Variants in FILIP1 observed in about 807,000 individuals in gnomAD.
FILIP1 encodes filamin A interacting protein 1.
A neutral mutation model predicts 102.1 loss-of-function variants in FILIP1; 61 were observed. That is an observed-to-expected ratio of 0.60 (90% CI 0.49 to 0.74). The LOEUF is 0.74. Among genes scored for constraint, FILIP1 ranks in the 30% least tolerant of loss-of-function variants. The pLI, the probability that FILIP1 is intolerant of heterozygous loss-of-function variation, is 0.00. For missense variants in FILIP1, 1,314 were observed against 1,441.2 expected (o/e 0.91, Z 1.43); for synonymous variants, 491 against 526.9 (o/e 0.93, Z 0.93).
At chr6:75,361,557 C>A (rs982549312) in intron 3 of FILIP1, among the ~76,000 whole-genome samples, 7 of 152,158 alleles carry the variant, frequency 4.6e-5, no homozygotes, top group Non-Finnish European at 1.0e-4. Context: ...AGGGTATGAG[C>A]AGTTATCATT....
intron 1 of FILIP1, among the ~76,000 whole-genome samples, chr6:75,459,502 T>C (rs917581233): frequency 6.6e-6 from 1 of 152,120 alleles, no homozygotes; most frequent in Non-Finnish European, 1.5e-5. Flanking sequence ...CCTCCTTCCT[T>C]CTCAGTCCCT....
chr6:75,319,970 C>A, intron 4 of FILIP1: 1 of 388,270 alleles, frequency 2.6e-6, no homozygotes, highest in Non-Finnish European at 4.7e-6. Context: ...CTTAGGATCT[C>A]CATTGCCCAT....
chr6:75,363,066 T>G lies in FILIP1; in HGVS notation c.277-149A>C, dbSNP rs1775222449. On this transcript the variant is annotated intron_variant, in intron 2 of 5. Transcript: ENST00000237172. Reference sequence around the variant, plus strand: ...GGGTATTCTGCTCTAATTTTTTTTTTTAACCAAAAGCAGATTGGCAAGCAG... The same window carrying G: ...GGGTATTCTGCTCTAATTTTTTTTTGTAACCAAAAGCAGATTGGCAAGCAG... 8.7e-6 allele frequency: 6 copies of G among 693,590 alleles called. No homozygotes were observed. In the African/African-American group the frequency reaches 1.1e-4, roughly 12 times the overall value. 43.0% of individuals were successfully genotyped at this position (693,590 alleles called of 1,614,324 possible). A position where few individuals can be genotyped will look rare whatever the true frequency, so the allele number is the denominator to read the frequency against.
intron 1 of FILIP1, among the ~76,000 whole-genome samples, chr6:75,490,000 T>C (rs907520199): frequency 6.6e-6 from 1 of 152,026 alleles, no homozygotes; most frequent in Admixed American, 6.6e-5. Context: ...AGAGGGAAGA[T>C]TAGACAAATG....
At chr6:75,350,388 AT>A (rs1455814297) in intron 4 of FILIP1, among the ~76,000 whole-genome samples, 1 of 137,068 alleles carries the variant, frequency 7.3e-6, no homozygotes, top group African/African-American at 2.8e-5. Context: ...TGTTAGGGTA[AT>A]TTTTTTTAAA....
intron 4 of FILIP1, among the ~76,000 whole-genome samples, chr6:75,348,764 A>G (rs1196264290): frequency 6.6e-6 from 1 of 152,216 alleles, no homozygotes; most frequent in Admixed American, 6.5e-5. Flanking sequence ...GCTAAGTAAA[A>G]CACTGTGTAT....
intron 4 of FILIP1, among the ~76,000 whole-genome samples, chr6:75,352,468 A>G (rs1355669328): frequency 6.6e-6 from 1 of 152,194 alleles, no homozygotes; most frequent in Non-Finnish European, 1.5e-5. Flanking sequence ...TAAAATTTTT[A>G]AAGTTGGGGT....
chr6:75,367,740 T>C (rs189641332), intron 2 of FILIP1: 1 of 152,354 alleles, frequency 6.6e-6, no homozygotes, highest in East Asian at 1.9e-4. Flanking sequence ...ATCACAGATC[T>C]ATTTTACTAT....
chr6:75,325,234 C>A (rs1773800522), intron 4 of FILIP1, among the ~76,000 whole-genome samples: 1 of 152,086 alleles, frequency 6.6e-6, no homozygotes. Flanking sequence ...CCAGCCTGGG[C>A]AATACGGTGA....
At chr6:75,453,886 C>T (rs1778724875) in intron 1 of FILIP1, 1 of 449,470 alleles carries the variant, frequency 2.2e-6, no homozygotes, top group Non-Finnish European at 4.5e-6. Flanking sequence ...GATGCAAATA[C>T]ACAATAAGTC....
intron 5 of FILIP1, among the ~76,000 whole-genome samples, chr6:75,312,120 C>T (rs1773209639): frequency 6.6e-6 from 1 of 152,124 alleles, no homozygotes; most frequent in Admixed American, 6.6e-5. Context: ...TATATGCTAC[C>T]ATTTCAAAGA....
At chr6:75,305,880 T>C (rs1772971291), downstream of FILIP1, among the ~76,000 whole-genome samples, 1 of 151,432 alleles carries the variant, frequency 6.6e-6, no homozygotes, top group Non-Finnish European at 1.5e-5. Context: ...GAGCAGCAGC[T>C]GTACACATCA....
rs1455698903 is a variant in FILIP1 at position 75,442,336 on chromosome 6, A to C, written c.-6-27358T>G. 3.4e-4 allele frequency among the ~76,000 whole-genome samples: 51 copies of C among 152,142 alleles called. 2 individuals are homozygous for C. The South Asian group carries it at 0.01, about 30-fold the overall frequency. ...GGATGGCCAGGCAGAGACGCTCCTCACTTCCCAGACGGGGTGGCGGCCTGG... is the reference window on the plus strand; with the variant it reads ...GGATGGCCAGGCAGAGACGCTCCTCCCTTCCCAGACGGGGTGGCGGCCTGG... On this transcript the variant is annotated intron_variant, in intron 1 of 5. Coordinates refer to ENST00000237172, the MANE Select transcript of FILIP1 (RefSeq NM_015687.5).
chr6:75,292,572 CTT>C (rs1772570274), exon 7 of FILIP1: 1 of 152,142 alleles, frequency 6.6e-6, no homozygotes, highest in African/African-American at 2.4e-5. Flanking sequence ...TTCTTATAAA[CTT>C]TTATTATAGT....
chr6:75,324,959 G>A (rs1773789383), intron 4 of FILIP1, among the ~76,000 whole-genome samples: 1 of 152,156 alleles, frequency 6.6e-6, no homozygotes, highest in Admixed American at 6.5e-5. Context: ...AGACTTAAAT[G>A]TAAGACCTGA....
chr6:75,383,367 TCTA>T lies in FILIP1; in HGVS notation c.277-20453_277-20451del, dbSNP rs1775964558. ...AAAGGAATTGTTATTTATGGTCTCT[TCTA>T]CTACCTTAATTCTGCATAAATGAGT... On this transcript the variant is annotated intron_variant, in intron 2 of 5. Coordinates refer to ENST00000237172, the MANE Select transcript of FILIP1 (RefSeq NM_015687.5). 2.6e-5 allele frequency among the ~76,000 whole-genome samples: 4 copies of T among 152,216 alleles called. No homozygotes were observed. In the South Asian group the frequency reaches 8.3e-4, roughly 32 times the overall value.
chr6:75,450,153 C>T (rs1778577029), intron 1 of FILIP1, among the ~76,000 whole-genome samples: 1 of 152,008 alleles, frequency 6.6e-6, no homozygotes, highest in African/African-American at 2.4e-5. Flanking sequence ...AAGGAAGTGG[C>T]CCGGGCGGGT....
chr6:75,407,398 T>C (rs886631852), intron 2 of FILIP1, among the ~76,000 whole-genome samples: 1 of 152,126 alleles, frequency 6.6e-6, no homozygotes, highest in Non-Finnish European at 1.5e-5. Flanking sequence ...GCTAATTTTT[T>C]TGTATTTTTA....
chr6:75,318,278 C>G (rs1773514568), intron 4 of FILIP1, among the ~76,000 whole-genome samples: 1 of 146,524 alleles, frequency 6.8e-6, no homozygotes, highest in African/African-American at 2.5e-5. Context: ...TTCTGTCACC[C>G]AGGTTGAAGT....
Sources: gnomAD v4.1 joint callset for allele counts (sites outside exome capture counted in the v4.1 genomes callset) on GRCh38, gnomAD v4.1.1 for gene constraint, MANE v1.5 for transcripts, NCBI Gene and HGNC (gene_info 2026-07-23, HGNC 2026-07-21) for gene names.